TBL1X: variants seen among roughly 807,000 people sequenced by gnomAD.
TBL1X encodes transducin beta like 1 X-linked.
A neutral mutation model predicts 50.7 loss-of-function variants in TBL1X; 10 were observed. The ratio of observed to expected loss-of-function variants is 0.20; its 90% CI spans 0.12 to 0.33. TBL1X has a LOEUF of 0.33. Among genes scored for constraint, TBL1X ranks in the 10% least tolerant of loss-of-function variants. The probability of loss-of-function intolerance (pLI) is 1.00; values close to 1 mark genes in which losing one functional copy is unlikely to be tolerated. For missense variants in TBL1X, 340 were observed against 504.4 expected (o/e 0.67, Z 3.12); for synonymous variants, 190 against 214.7 (o/e 0.88, Z 1.01).
At chrX:9,588,189 G>A (rs957378677) in intron 2 of TBL1X, among the ~76,000 whole-genome samples, 5 of 111,843 alleles carry the variant, frequency 4.5e-5, no homozygotes, top group Non-Finnish European at 9.4e-5. Flanking sequence ...TAATCCAGAG[G>A]TGATTTAAAG....
At chrX:9,584,027 G>C (rs1309805367) in intron 2 of TBL1X, among the ~76,000 whole-genome samples, 1 of 112,432 alleles carries the variant, frequency 8.9e-6, no homozygotes, top group Admixed American at 9.4e-5. Flanking sequence ...GGGGAATGCA[G>C]ATGAAAAGTG....
At chrX:9,666,083 T>C (rs764569084) in intron 5 of TBL1X, among the ~76,000 whole-genome samples, 73 of 111,927 alleles carry the variant, frequency 6.5e-4, no homozygotes, top group South Asian at 1.9e-3. Flanking sequence ...TGCCTTGCAG[T>C]GGAATGCAGG....
chrX:9,567,309 C>G (rs1207851048), intron 2 of TBL1X, among the ~76,000 whole-genome samples: 2 of 111,510 alleles, frequency 1.8e-5, no homozygotes, highest in African/African-American at 3.3e-5. Flanking sequence ...AGGGAAGACC[C>G]TGGCCTCCTT....
intron 2 of TBL1X, among the ~76,000 whole-genome samples, chrX:9,546,882 G>C (rs1319229035): frequency 1.2e-5 from 1 of 86,697 alleles, no homozygotes; most frequent in Non-Finnish European, 2.1e-5. Flanking sequence ...GCAGTGGCGC[G>C]ATCTCGGCTC....
Position 9,665,521 on chromosome X carries a change from ATATATATATATATATAT to A in TBL1X, c.211+11200_211+11216del, listed in dbSNP as rs2082924837. Among the ~76,000 whole-genome samples the A allele has an allele frequency of 7.1e-5, 4 of 56,667 alleles. 1 individual carries two copies. Among genetic ancestry groups the A allele is most frequent in the Non-Finnish European group, 1.3e-4 (4 of 31,072 alleles). The allele number at this position is 56,667 out of a possible 115,157, so 49.2% of individuals were successfully genotyped here. A position where few individuals can be genotyped will look rare whatever the true frequency, so the allele number is the denominator to read the frequency against. ...TATATATATATATATATATATATAT[ATATATATATATATATAT>A]AAAAGGCCTTGGTGCTTTTTCGCTT... On this transcript the variant is annotated intron_variant, in intron 5 of 17. Coordinates refer to ENST00000645353, the MANE Select transcript of TBL1X (RefSeq NM_005647.4).
intron 2 of TBL1X, among the ~76,000 whole-genome samples, chrX:9,556,777 T>C (rs919263004): frequency 1.9e-4 from 21 of 107,952 alleles, no homozygotes; most frequent in Non-Finnish European, 1.7e-4. Context: ...AAGTTTCTGG[T>C]TTTTTGTTTT....
intron 3 of TBL1X, among the ~76,000 whole-genome samples, chrX:9,647,719 C>T (rs1198947918): frequency 8.9e-6 from 1 of 111,901 alleles, no homozygotes; most frequent in African/African-American, 3.3e-5. Context: ...GAAAAGAATG[C>T]CCAAACACAG....
chrX:9,680,162 C>T (rs1351963173), intron 5 of TBL1X, among the ~76,000 whole-genome samples: 3 of 111,204 alleles, frequency 2.7e-5, no homozygotes, highest in Non-Finnish European at 5.7e-5. Flanking sequence ...GATTTAATTG[C>T]TTCCTGAAGG....
intron 2 of TBL1X, among the ~76,000 whole-genome samples, chrX:9,631,210 G>T (rs780405018): frequency 2.7e-5 from 3 of 111,058 alleles, no homozygotes; most frequent in Non-Finnish European, 3.8e-5. Flanking sequence ...TGTCATGGGG[G>T]GTTTGTTGTA....
chrX:9,627,762 C>T (rs749480925), intron 2 of TBL1X, among the ~76,000 whole-genome samples: 4 of 112,140 alleles, frequency 3.6e-5, no homozygotes. Flanking sequence ...ACAATGAGAG[C>T]ACCCAACATG....
chrX:9,652,337 A>C (rs1888037748), intron 3 of TBL1X, among the ~76,000 whole-genome samples: 1 of 112,238 alleles, frequency 8.9e-6, no homozygotes, highest in Non-Finnish European at 1.9e-5. Context: ...GGAGTATACC[A>C]GGGCAGGACT....
At chrX:9,491,335 TA>T (rs1185324531) in intron 1 of TBL1X, among the ~76,000 whole-genome samples, 511 of 26,666 alleles carry the variant, frequency 0.019, 13 homozygotes, top group African/African-American at 0.08. Context: ...TATATATATA[TA>T]TATTTTTTTT....
intron 2 of TBL1X, among the ~76,000 whole-genome samples, chrX:9,565,711 G>A (rs2082348034): frequency 9.0e-6 from 1 of 111,163 alleles, no homozygotes; most frequent in Admixed American, 9.6e-5. Flanking sequence ...TGCTCCTGTG[G>A]TCCCAGCCAC....
intron 2 of TBL1X, among the ~76,000 whole-genome samples, chrX:9,567,533 C>G (rs1400239745): frequency 8.9e-6 from 1 of 111,761 alleles, no homozygotes; most frequent in African/African-American, 3.2e-5. Context: ...TAAGTCTGCC[C>G]CAGCTTGGGG....
intron 1 of TBL1X, among the ~76,000 whole-genome samples, chrX:9,491,570 C>T (rs2081945553): frequency 9.2e-6 from 1 of 108,776 alleles, no homozygotes. Context: ...CTGCACAGTA[C>T]TCAGCATACG....
At chrX:9,595,578 G>A (rs887235505) in intron 2 of TBL1X, among the ~76,000 whole-genome samples, 1 of 111,848 alleles carries the variant, frequency 8.9e-6, no homozygotes, top group Admixed American at 9.5e-5. Flanking sequence ...CCTTCTTGTC[G>A]GTGTCTCACT....
chrX:9,682,570 G>C (rs2083031721), intron 5 of TBL1X, among the ~76,000 whole-genome samples: 1 of 112,045 alleles, frequency 8.9e-6, no homozygotes, highest in East Asian at 2.8e-4. Context: ...AGCAAGGAGA[G>C]CACAGCGCAG....
intron 2 of TBL1X, among the ~76,000 whole-genome samples, chrX:9,591,516 G>A (rs2082499798): frequency 8.9e-6 from 1 of 112,461 alleles, no homozygotes; most frequent in Admixed American, 9.4e-5. Flanking sequence ...GTTCATCCAA[G>A]GATGGTTTAC....
At chrX:9,470,986 A>G (rs1165389457) in intron 1 of TBL1X, among the ~76,000 whole-genome samples, 3 of 112,413 alleles carry the variant, frequency 2.7e-5, no homozygotes, top group Non-Finnish European at 5.6e-5. Flanking sequence ...CAGTCCTACC[A>G]AAAGGTACTT....
Sources: gnomAD v4.1 joint callset for allele counts (sites outside exome capture counted in the v4.1 genomes callset) on GRCh38, gnomAD v4.1.1 for gene constraint, MANE v1.5 for transcripts, NCBI Gene and HGNC (gene_info 2026-07-23, HGNC 2026-07-21) for gene names.